SPATA7: variants seen among roughly 807,000 people sequenced by gnomAD.
SPATA7 encodes the protein spermatogenesis-associated protein 7.
SPATA7 carries 43 observed loss-of-function variants against 51.8 expected under a neutral mutation model. That is an observed-to-expected ratio of 0.83 (90% CI 0.65 to 1.07). The LOEUF (loss-of-function observed/expected upper bound fraction) is 1.07, where lower values mean the gene tolerates loss of function less well. SPATA7 is among the 50% of genes least tolerant of loss of function. SPATA7 has a pLI of 0.00. For missense variants in SPATA7, 683 were observed against 701.3 expected (o/e 0.97, Z 0.30); for synonymous variants, 230 against 252.8 (o/e 0.91, Z 0.86).
At chr14:88,443,789 C>T (rs1294929131) in intron 3 of SPATA7, among the ~76,000 whole-genome samples, 1 of 152,148 alleles carries the variant, frequency 6.6e-6, no homozygotes, top group Non-Finnish European at 1.5e-5. Flanking sequence ...CAGCTTCATC[C>T]ATGTTCCCAC....
intron 1 of SPATA7, among the ~76,000 whole-genome samples, chr14:88,391,154 A>G (rs2075733506): frequency 6.6e-6 from 1 of 152,160 alleles, no homozygotes; most frequent in African/African-American, 2.4e-5. Flanking sequence ...CCCTCTTAAA[A>G]CATCTCTGTT....
At position 88,416,766 on chromosome 14, in the gene SPATA7, A is replaced by G; in HGVS notation, c.294A>G (p.Lys98=). 1.2e-6 allele frequency: 2 copies of G among 1,613,144 alleles called. No homozygotes were observed. The highest frequency in any genetic ancestry group is 1.1e-5 in the South Asian group (1 of 91,026). The change falls in exon 5 of 12, where the codon AAA becomes AAG. Residue 98 remains lysine, a synonymous_variant. Coordinates refer to ENST00000393545, the MANE Select transcript of SPATA7 (RefSeq NM_018418.5). ...KLKKELAQCE[K]EFKLTKTAMR... ...AAAAGGAATTAGCACAATGTGAAAA[A>G]GAGTTCAAATTAACTAAAACTGCAA...
chr14:88,463,452 C>T (rs1354690032), intron 4 of SPATA7, among the ~76,000 whole-genome samples: 1 of 152,116 alleles, frequency 6.6e-6, no homozygotes, highest in Non-Finnish European at 1.5e-5. Flanking sequence ...TTGCCACTGC[C>T]CGACAGGAGT....
chr14:88,460,598 T>G (rs112057702), intron 4 of SPATA7, among the ~76,000 whole-genome samples: 6,282 of 152,304 alleles, frequency 0.041, 171 homozygotes, highest in South Asian at 0.1. Flanking sequence ...TTTATTCTAG[T>G]TCGCCATTCA....
intron 4 of SPATA7, among the ~76,000 whole-genome samples, chr14:88,402,072 T>C (rs1426922520): frequency 2.0e-5 from 3 of 152,032 alleles, no homozygotes; most frequent in African/African-American, 7.2e-5. Context: ...GATAAAATGC[T>C]TAGGAATAAC....
chr14:88,420,963 A>C (rs2076625494), intron 5 of SPATA7, among the ~76,000 whole-genome samples: 1 of 152,026 alleles, frequency 6.6e-6, no homozygotes, highest in South Asian at 2.1e-4. Context: ...AAATACAAAA[A>C]AAAATTAGCC....
chr14:88,468,011 G>T, intron 4 of SPATA7: 1 of 1,220,294 alleles, frequency 8.2e-7, no homozygotes. Flanking sequence ...TTCAGACTGC[G>T]CCACTTACGT....
intron 3 of SPATA7, among the ~76,000 whole-genome samples, chr14:88,445,436 G>T (rs1283958877): frequency 2.0e-5 from 3 of 152,156 alleles, no homozygotes; most frequent in East Asian, 3.8e-4. Context: ...TGCAAACAGG[G>T]ACAGTTTGAC....
At position 88,414,402 on chromosome 14, in the gene SPATA7, A is replaced by G. The variant is rs188567076; in HGVS notation, c.239-2309A>G. Among the ~76,000 whole-genome samples, 164 of 152,104 alleles carry G rather than the reference A, an allele frequency of 1.1e-3. 1 individual carries two copies. Among genetic ancestry groups the G allele is most frequent in the Non-Finnish European group, 1.7e-3 (116 of 67,966 alleles). ...TTCTATTTCTGTGGGGTCTGTTGTA[A>G]TGTTGCCTTTGTCATATCTGGTTGT... On this transcript the variant is annotated intron_variant, in intron 4 of 11. Coordinates refer to ENST00000393545, the MANE Select transcript of SPATA7 (RefSeq NM_018418.5).
chr14:88,397,951 G>A (rs900335847), intron 4 of SPATA7, among the ~76,000 whole-genome samples: 3 of 151,924 alleles, frequency 2.0e-5, no homozygotes, highest in Non-Finnish European at 4.4e-5. Context: ...GTGTGGTGGT[G>A]GGCACCTGTA....
chr14:88,430,277 T>C (rs2076906047), intron 8 of SPATA7, among the ~76,000 whole-genome samples: 1 of 152,112 alleles, frequency 6.6e-6, no homozygotes, highest in Non-Finnish European at 1.5e-5. Flanking sequence ...AGATCTCACC[T>C]GCTAAGGCCA....
chr14:88,440,340 C>T (rs1347441515), downstream of SPATA7, among the ~76,000 whole-genome samples: 1 of 152,172 alleles, frequency 6.6e-6, no homozygotes, highest in African/African-American at 2.4e-5. Context: ...GGGGCCATGA[C>T]CCATCCTAAT....
chr14:88,433,664 C>T (rs1004939049), intron 10 of SPATA7, among the ~76,000 whole-genome samples: 3 of 152,014 alleles, frequency 2.0e-5, no homozygotes, highest in Non-Finnish European at 2.9e-5. Context: ...TTTGCAAAAC[C>T]AGATTAGCTA....
chr14:88,424,121 TG>T (rs2076724732), intron 5 of SPATA7, among the ~76,000 whole-genome samples: 1 of 152,214 alleles, frequency 6.6e-6, no homozygotes, highest in South Asian at 2.1e-4. Context: ...TTTGCTCCAT[TG>T]GCACATAATT....
chr14:88,449,966 T>A (rs969668594), intron 3 of SPATA7, among the ~76,000 whole-genome samples: 1 of 152,140 alleles, frequency 6.6e-6, no homozygotes, highest in Non-Finnish European at 1.5e-5. Context: ...TGGTATTTTG[T>A]TGGTAACTTT....
chr14:88,451,434 G>T (rs1448090955), intron 3 of SPATA7, among the ~76,000 whole-genome samples: 1 of 151,918 alleles, frequency 6.6e-6, no homozygotes, highest in Non-Finnish European at 1.5e-5. Context: ...CTCCCAAACT[G>T]CTGGGATTGC....
intron 5 of SPATA7, among the ~76,000 whole-genome samples, chr14:88,419,915 CCA>C (rs939236219): frequency 4.6e-5 from 7 of 151,992 alleles, no homozygotes; most frequent in African/African-American, 1.7e-4. Context: ...CCACAGTGAC[CCA>C]CACCCTTAAG....
chr14:88,415,502 T>TAA (rs200927155), intron 4 of SPATA7, among the ~76,000 whole-genome samples: 9 of 151,674 alleles, frequency 5.9e-5, no homozygotes, highest in African/African-American at 2.2e-4. Flanking sequence ...TGTTTTTTTT[T>TAA]AAATAAAATA....
At chr14:88,424,801 ATGT>A (rs1438967986) in intron 5 of SPATA7, among the ~76,000 whole-genome samples, 1 of 152,180 alleles carries the variant, frequency 6.6e-6, no homozygotes, top group Non-Finnish European at 1.5e-5. Context: ...GCTTTGAGTA[ATGT>A]TGTCTTGTAT....
Sources: gnomAD v4.1 joint callset for allele counts (sites outside exome capture counted in the v4.1 genomes callset) on GRCh38, gnomAD v4.1.1 for gene constraint, MANE v1.5 for transcripts, NCBI Gene and HGNC (gene_info 2026-07-23, HGNC 2026-07-21) for gene names.